RNF216: variants seen among roughly 807,000 people sequenced by gnomAD.
RNF216 encodes the protein ring finger protein 216.
In RNF216, 72 loss-of-function variants were observed where a neutral mutation model predicts 110.8. The ratio of observed to expected loss-of-function variants is 0.65; its 90% CI spans 0.54 to 0.79. RNF216 has a LOEUF of 0.79. RNF216 is among the 30% of genes least tolerant of loss of function. The pLI is 0.00. For missense variants in RNF216, 1,342 were observed against 1,141.2 expected, an observed-to-expected ratio of 1.18 and a Z score of -2.54; for synonymous variants, 495 against 407.5, an observed-to-expected ratio of 1.21 and a Z score of -2.59.
At chr7:5,634,710 C>A (rs1417471804) in intron 15 of RNF216, among the ~76,000 whole-genome samples, 1 of 152,212 alleles carries the variant, frequency 6.6e-6, no homozygotes, top group Non-Finnish European at 1.5e-5. Flanking sequence ...GAGATGGGGG[C>A]AGAATGTGGC....
At position 5,702,160 on chromosome 7, in the gene RNF216, G is replaced by A. The variant is rs549288391; in HGVS notation, c.2061+9601C>T. 5.3e-5 allele frequency among the ~76,000 whole-genome samples: 8 copies of A among 152,268 alleles called. No homozygotes were observed. In the South Asian group the frequency reaches 1.7e-3, roughly 32 times the overall value. On this transcript the variant is annotated intron_variant, in intron 13 of 16. Transcript: ENST00000389902. Reference sequence around the variant, plus strand: ...GGCTCTGCCACCTGCCGGGGGGTCAGCAGTTGCCTCTGCGAGTTTCGAGGG... The same window carrying A: ...GGCTCTGCCACCTGCCGGGGGGTCAACAGTTGCCTCTGCGAGTTTCGAGGG...
At chr7:5,735,212 G>A (rs570799811) in intron 5 of RNF216, among the ~76,000 whole-genome samples, 2 of 152,252 alleles carry the variant, frequency 1.3e-5, no homozygotes, top group South Asian at 2.1e-4. Context: ...GTCTAAAGTC[G>A]TTTCAAACTG....
chr7:5,643,489 G>A (rs1182363787), intron 14 of RNF216, among the ~76,000 whole-genome samples: 1 of 151,872 alleles, frequency 6.6e-6, no homozygotes, highest in Non-Finnish European at 1.5e-5. Flanking sequence ...GAAGGCTCAG[G>A]GCCTCTTCTA....
chr7:5,768,317 T>C (rs1259356560), intron 1 of RNF216, among the ~76,000 whole-genome samples: 4 of 97,356 alleles, frequency 4.1e-5, no homozygotes, highest in Non-Finnish European at 8.4e-5. Flanking sequence ...AAAGGCTGGG[T>C]CCAGTAGTGG....
At chr7:5,709,423 G>A (rs1471997947) in intron 13 of RNF216, among the ~76,000 whole-genome samples, 1 of 152,166 alleles carries the variant, frequency 6.6e-6, no homozygotes, top group African/African-American at 2.4e-5. Context: ...AGAGAGAAAT[G>A]GTCCTTCCGT....
chr7:5,762,659 T>C (rs1795994488), intron 1 of RNF216, among the ~76,000 whole-genome samples: 1 of 151,692 alleles, frequency 6.6e-6, no homozygotes, highest in African/African-American at 2.4e-5. Flanking sequence ...ACCACTGCAC[T>C]CCAGCTTGCA....
chr7:5,732,016 A>G (rs1280866701), intron 5 of RNF216, among the ~76,000 whole-genome samples: 1 of 151,354 alleles, frequency 6.6e-6, no homozygotes, highest in Non-Finnish European at 1.5e-5. Context: ...AGTCCCATAT[A>G]CTCTTCATCT....
chr7:5,687,432 AAAG>A (rs1018490067), intron 13 of RNF216, among the ~76,000 whole-genome samples: 1 of 151,778 alleles, frequency 6.6e-6, no homozygotes, highest in Non-Finnish European at 1.5e-5. Context: ...AAAAGAAAAG[AAAG>A]AAAAGAAATT....
chr7:5,736,012 G>C (rs1393064980), intron 5 of RNF216, among the ~76,000 whole-genome samples: 2 of 152,182 alleles, frequency 1.3e-5, no homozygotes, highest in African/African-American at 4.8e-5. Flanking sequence ...AGAATCACTT[G>C]AACCTGGGAG....
chr7:5,677,628 A>G (rs1477396404), intron 13 of RNF216, among the ~76,000 whole-genome samples: 2 of 152,192 alleles, frequency 1.3e-5, no homozygotes, highest in Admixed American at 1.3e-4. Flanking sequence ...GATTGGAAAG[A>G]ACTGACTAAG....
At chr7:5,695,578 G>A (rs1368571092) in intron 13 of RNF216, among the ~76,000 whole-genome samples, 1 of 152,228 alleles carries the variant, frequency 6.6e-6, no homozygotes, top group Non-Finnish European at 1.5e-5. Context: ...CTATAGACAA[G>A]TTCTATTGCC....
At chr7:5,648,739 AAAG>A (rs1452220021) in intron 14 of RNF216, among the ~76,000 whole-genome samples, 2 of 151,530 alleles carry the variant, frequency 1.3e-5, no homozygotes, top group East Asian at 1.9e-4. Context: ...AAAAAAAAAA[AAAG>A]AAAAGAAAAA....
intron 1 of RNF216, among the ~76,000 whole-genome samples, chr7:5,776,932 G>A (rs1584631253): frequency 1.5e-5 from 2 of 129,078 alleles, no homozygotes; most frequent in Non-Finnish European, 1.7e-5. Context: ...GAGAGAAAAA[G>A]AGAGAGAGAG....
intron 13 of RNF216, among the ~76,000 whole-genome samples, chr7:5,661,751 T>C (rs1232712966): frequency 2.0e-5 from 3 of 152,068 alleles, no homozygotes; most frequent in Non-Finnish European, 4.4e-5. Context: ...TGCAGTGAGC[T>C]GAGATTGTGC....
chr7:5,737,522 AAATAATAAT>A (rs112378505), intron 5 of RNF216, among the ~76,000 whole-genome samples: 9,393 of 148,644 alleles, frequency 0.063, 976 homozygotes, highest in African/African-American at 0.22. Flanking sequence ...GATCAATTAA[AAATAATAAT>A]AATAATAATA....
At chr7:5,702,923 T>C (rs1792061262) in intron 13 of RNF216, among the ~76,000 whole-genome samples, 1 of 152,154 alleles carries the variant, frequency 6.6e-6, no homozygotes, top group Non-Finnish European at 1.5e-5. Flanking sequence ...CCAGTGTCTA[T>C]TTTGTAGGGC....
At chr7:5,743,238 G>A (rs888647044) in intron 3 of RNF216, among the ~76,000 whole-genome samples, 1 of 152,008 alleles carries the variant, frequency 6.6e-6, no homozygotes, top group Non-Finnish European at 1.5e-5. Context: ...CTCCAGCCTG[G>A]AGACAGAGCA....
intron 13 of RNF216, among the ~76,000 whole-genome samples, chr7:5,658,463 C>T (rs994545741): frequency 1.3e-5 from 2 of 151,958 alleles, no homozygotes; most frequent in Non-Finnish European, 2.9e-5. Context: ...TTGAGACCAG[C>T]CTGGCAAACA....
At chr7:5,669,560 A>T (rs1048485103) in intron 13 of RNF216, among the ~76,000 whole-genome samples, 3 of 152,188 alleles carry the variant, frequency 2.0e-5, no homozygotes, top group African/African-American at 7.2e-5. Context: ...ATCAAGACCT[A>T]AACTTTGTAT....
Sources: gnomAD v4.1 joint callset for allele counts (sites outside exome capture counted in the v4.1 genomes callset) on GRCh38, gnomAD v4.1.1 for gene constraint, MANE v1.5 for transcripts, NCBI Gene and HGNC (gene_info 2026-07-23, HGNC 2026-07-21) for gene names.